The following UQCRC2 variants were observed in gnomAD, a reference collection of about 807,000 sequenced individuals.
UQCRC2 encodes cytochrome b-c1 complex subunit 2, mitochondrial.
In UQCRC2, 49 loss-of-function variants were observed where a neutral mutation model predicts 55.6. The ratio of observed to expected loss-of-function variants is 0.88; its 90% CI spans 0.70 to 1.12. The LOEUF (loss-of-function observed/expected upper bound fraction) is 1.12. UQCRC2 is among the 50% of genes most tolerant of loss of function. The pLI, the probability that UQCRC2 is intolerant of heterozygous loss-of-function variation, is 0.00. For synonymous variants in UQCRC2, 193 were observed against 192.0 expected (o/e 1.01, Z -0.04); for missense variants, 506 against 547.8 (o/e 0.92, Z 0.76).
At chr16:21,954,087 C>T (rs1200502492) in intron 1 of UQCRC2, among the ~76,000 whole-genome samples, 1 of 152,148 alleles carries the variant, frequency 6.6e-6, no homozygotes, top group Non-Finnish European at 1.5e-5. Context: ...GGGGAAAACT[C>T]ACACATCAGG....
At position 21,957,324 on chromosome 16, in the gene UQCRC2, T is replaced by A. The variant is rs1355360329; in HGVS notation, c.117+6T>A. ...CACAACCTCAGGACCTTGAGGTTAG[T>A]CCCACTAACTTGCTCGCTGGAAGCT... On this transcript the variant is annotated splice_donor_region_variant and intron_variant, in intron 2 of 13. Transcript: ENST00000268379. 2 of 1,614,056 alleles carry A rather than the reference T, an allele frequency of 1.2e-6. No homozygotes were observed. The highest frequency in any genetic ancestry group is 1.7e-6 in the Non-Finnish European group (2 of 1,180,010).
intron 7 of UQCRC2, among the ~76,000 whole-genome samples, chr16:21,967,187 A>C (rs1169047342): frequency 6.6e-6 from 1 of 152,198 alleles, no homozygotes; most frequent in Non-Finnish European, 1.5e-5. Flanking sequence ...CAATAGAAAA[A>C]CATCAATAGA....
At chr16:21,972,626 G>C (rs1172943712) in intron 10 of UQCRC2, among the ~76,000 whole-genome samples, 1 of 152,170 alleles carries the variant, frequency 6.6e-6, no homozygotes, top group East Asian at 1.9e-4. Flanking sequence ...TAAAATCCCA[G>C]CACTCTGAGA....
At chr16:21,970,776 G>A (rs950924559) in intron 8 of UQCRC2, among the ~76,000 whole-genome samples, 1 of 151,942 alleles carries the variant, frequency 6.6e-6, no homozygotes, top group Non-Finnish European at 1.5e-5. Context: ...AATAGAGATG[G>A]GGTTTCACCA....
intron 4 of UQCRC2, chr16:21,961,180 A>T (rs1354876851): frequency 8.0e-6 from 2 of 250,704 alleles, no homozygotes; most frequent in Non-Finnish European, 1.7e-5. Context: ...AGAATGTCTC[A>T]TTCTGCTGAT....
At chr16:21,974,902 A>C (rs1389710248) in intron 11 of UQCRC2, among the ~76,000 whole-genome samples, 1 of 152,214 alleles carries the variant, frequency 6.6e-6, no homozygotes, top group Non-Finnish European at 1.5e-5. Context: ...CAGGAGGCTA[A>C]GTCATGTTTT....
chr16:21,957,140 C>A, intron 1 of UQCRC2, 95 bp from the exon 2 acceptor site: 1 of 1,187,100 alleles, frequency 8.4e-7, no homozygotes, highest in Non-Finnish European at 1.2e-6. Flanking sequence ...CACCCCCGAA[C>A]ACCCTCTGTC....
rs545477535 is a variant in UQCRC2, at chr16:21,972,641, G to A, written c.966+519G>A. On this transcript the variant is annotated intron_variant, in intron 10 of 13. Transcript: ENST00000268379. ...TAAAATCCCAGCACTCTGAGAGGCC[G>A]AGGTGGGCGGATCACTGGAGGTCAG... 7.2e-5 allele frequency among the ~76,000 whole-genome samples: 11 copies of A among 152,210 alleles called. No individual in the cohort carries two copies. The East Asian group carries it at 9.7e-4, about 13-fold the overall frequency.
Position 21,968,684 on chromosome 16 carries a change from T to G in UQCRC2, c.669T>G (p.Leu223=), listed in dbSNP as rs778037846. 3 of 1,608,892 alleles carry G rather than the reference T, an allele frequency of 1.9e-6. No individual in the cohort carries two copies. The highest frequency in any genetic ancestry group is 2.5e-6 in the Non-Finnish European group (3 of 1,177,460). Residue 223 remains leucine, a splice_region_variant and synonymous_variant, in exon 8 of 14, where the codon CTT becomes CTG. Coordinates refer to ENST00000268379, the MANE Select transcript of UQCRC2 (RefSeq NM_003366.4). The part of the protein sequence containing the change: ...FTSARMALIG[L]GVSHPVLKQV... ...GTGCAAGAATGGCTTTGATTGGACT[T>G]GGTAAGTTTAGAGTATTGCCTGCCT... is the stretch of plus-strand genomic sequence containing the variant.
chr16:21,969,581 A>G (rs1898408887), intron 8 of UQCRC2, among the ~76,000 whole-genome samples: 2 of 152,330 alleles, frequency 1.3e-5, no homozygotes, highest in South Asian at 4.1e-4. Context: ...GTGACTTTTA[A>G]GAATTTGTCT....
chr16:21,982,987 T>C (rs1597972514), intron 13 of UQCRC2, 101 bp from the exon 14 acceptor site: 1 of 874,230 alleles, frequency 1.1e-6, no homozygotes, highest in Admixed American at 2.8e-5. Flanking sequence ...AAAAAAAGAA[T>C]GTCCTATCCA....
intron 11 of UQCRC2, among the ~76,000 whole-genome samples, chr16:21,974,264 G>T (rs574789729): frequency 3.3e-4 from 50 of 152,184 alleles, no homozygotes; most frequent in Non-Finnish European, 6.0e-4. Context: ...CAGGAGAGGG[G>T]AAGACCAGGA....
At position 21,953,408 on chromosome 16, in the gene UQCRC2, A is replaced by C. The variant is rs1045651492; in HGVS notation, c.-16A>C. On this transcript the variant is annotated 5_prime_UTR_variant, in exon 1 of 14. Transcript: ENST00000268379. ...TTTAATCCGGCAGTGACCGTGTGTC[A>C]GAACAATCTTGAATCATGAAGCTAC... 1.2e-6 allele frequency: 2 copies of C among 1,612,734 alleles called. No individual in the cohort carries two copies. Among genetic ancestry groups the C allele is most frequent in the African/African-American group, 2.7e-5 (2 of 74,854 alleles).
In UQCRC2 at chr16:21,962,317, T is replaced by C. The variant is rs142991356; in HGVS notation, c.333-143T>C. 508 of 929,440 alleles carry C rather than the reference T, an allele frequency of 5.5e-4. 2 individuals carry two copies. The East Asian group carries it at 9.3e-3, about 17-fold the overall frequency. The allele number at this position is 929,440 out of a possible 1,614,324, so 57.6% of individuals were successfully genotyped here. On this transcript the variant is annotated intron_variant, in intron 4 of 13. Coordinates refer to ENST00000268379, the MANE Select transcript of UQCRC2 (RefSeq NM_003366.4). ...AAAATTTTGAATTTTAGTTGGTTAA[T>C]ATGTGGAGTTTTGTTATATTATTGT...
At chr16:21,970,157 C>T (rs1163509587) in intron 8 of UQCRC2, among the ~76,000 whole-genome samples, 1 of 152,122 alleles carries the variant, frequency 6.6e-6, no homozygotes, top group East Asian at 1.9e-4. Context: ...ATGTCTTATT[C>T]CCTTTTATGG....
rs139170340 is a variant in UQCRC2, at chr16:21,954,626, G to A, written c.33+1170G>A. Among the ~76,000 whole-genome samples the A allele has an allele frequency of 5.6e-3, 852 of 152,258 alleles. 9 individuals are homozygous for A. Among genetic ancestry groups the A allele is most frequent in the African/African-American group, 0.019 (797 of 41,536 alleles). The stretch of plus-strand genomic sequence containing the variant: ...TAAACTTGAAAGCAATTATTTATGT[G>A]TCTAATTTTAGCACTTTATATAGGA... On this transcript the variant is annotated intron_variant, in intron 1 of 13. Coordinates refer to ENST00000268379, the MANE Select transcript of UQCRC2 (RefSeq NM_003366.4).
intron 4 of UQCRC2, among the ~76,000 whole-genome samples, chr16:21,960,753 A>G (rs1898180813): frequency 6.6e-6 from 1 of 152,172 alleles, no homozygotes; most frequent in South Asian, 2.1e-4. Flanking sequence ...AGGAGTAGGA[A>G]TATCCAAAGA....
At chr16:21,980,398 ATTC>A (rs535827054) in intron 12 of UQCRC2, 146 bp from the exon 13 acceptor site, 210 of 795,792 alleles carry the variant, frequency 2.6e-4, no homozygotes, top group South Asian at 5.3e-4. Context: ...AGGGAGTGGC[ATTC>A]TTCTTGGGGA....
intron 3 of UQCRC2, among the ~76,000 whole-genome samples, chr16:21,957,797 C>A (rs1292648148): frequency 6.6e-6 from 1 of 152,198 alleles, no homozygotes; most frequent in Non-Finnish European, 1.5e-5. Flanking sequence ...GCTGTGATCC[C>A]TCTAAAGGTT....
Sources: allele counts gnomAD v4.1 joint callset (sites outside exome capture counted in the v4.1 genomes callset), GRCh38; gene constraint gnomAD v4.1.1; transcripts MANE v1.5; gene names NCBI Gene and HGNC (gene_info 2026-07-23, HGNC 2026-07-21).